CLEC2A: variants seen among roughly 807,000 people sequenced by gnomAD.
The protein encoded by CLEC2A is C-type lectin domain family 2 member A.
A neutral mutation model predicts 18.6 loss-of-function variants in CLEC2A; 19 were observed. The observed-to-expected ratio is 1.02, with a 90% confidence interval of 0.71 to 1.50. The LOEUF is 1.50. Ranked by LOEUF, CLEC2A falls within the 40% of genes most tolerant of loss-of-function variation. The probability of loss-of-function intolerance (pLI) is 0.00; values close to 1 mark genes in which losing one functional copy is unlikely to be tolerated. For missense variants in CLEC2A, 190 were observed against 207.9 expected, an observed-to-expected ratio of 0.91 and a Z score of 0.53; for synonymous variants, 74 against 64.0, an observed-to-expected ratio of 1.16 and a Z score of -0.75.
chr12:9,898,767 T>C, exon 5 of CLEC2A: 4 of 542,854 alleles, frequency 7.4e-6, no homozygotes, highest in East Asian at 5.6e-5. Flanking sequence ...TTGCTCTGAA[T>C]TGATAAATTT....
At chr12:9,905,270 C>T (rs192466566) in intron 4 of CLEC2A, among the ~76,000 whole-genome samples, 15 of 152,256 alleles carry the variant, frequency 9.9e-5, no homozygotes, top group Admixed American at 9.1e-4. Flanking sequence ...TTTCTATAAT[C>T]AGGAGCACTA....
the CLEC2A span, among the ~76,000 whole-genome samples, chr12:9,880,688 G>C: frequency 1.3e-5 from 2 of 152,142 alleles, no homozygotes; most frequent in Non-Finnish European, 2.9e-5. Flanking sequence ...GAATCAGGAG[G>C]AGCTAATGCT....
downstream of CLEC2A, among the ~76,000 whole-genome samples, chr12:9,912,045 T>C (rs910329119): frequency 2.0e-5 from 3 of 151,844 alleles, no homozygotes; most frequent in Non-Finnish European, 4.4e-5. Context: ...CAAACAGTGA[T>C]AGTTGGGGGG....
At chr12:9,917,985 G>A (rs1428009243) in intron 3 of CLEC2A, among the ~76,000 whole-genome samples, 1 of 152,076 alleles carries the variant, frequency 6.6e-6, no homozygotes, top group Non-Finnish European at 1.5e-5. Context: ...GTTCCTTAGA[G>A]ATGCTGATGT....
intron 3 of CLEC2A, among the ~76,000 whole-genome samples, chr12:9,917,078 G>A (rs185691483): frequency 4.6e-4 from 70 of 152,228 alleles, no homozygotes; most frequent in Admixed American, 7.2e-4. Context: ...GATATTGTAT[G>A]TTTTTTCATA....
intron 1 of CLEC2A, among the ~76,000 whole-genome samples, chr12:9,930,778 T>C (rs1030938347): frequency 6.6e-6 from 1 of 152,068 alleles, no homozygotes; most frequent in African/African-American, 2.4e-5. Flanking sequence ...ATCTAGAAGG[T>C]GGCATTTCTA....
At chr12:9,913,175 T>A (rs1209892850), downstream of CLEC2A, 2 of 250,878 alleles carry the variant, frequency 8.0e-6, no homozygotes, top group Admixed American at 1.3e-4. Context: ...TATAGTATGT[T>A]ATAATTTTTA....
At chr12:9,900,997 A>T (rs1255901756) in intron 4 of CLEC2A, among the ~76,000 whole-genome samples, 2 of 152,152 alleles carry the variant, frequency 1.3e-5, no homozygotes, top group African/African-American at 4.8e-5. Flanking sequence ...AAAAAAAAAC[A>T]TGCTCCAGGT....
the CLEC2A span, among the ~76,000 whole-genome samples, chr12:9,881,012 A>G: frequency 6.6e-6 from 1 of 152,228 alleles, no homozygotes; most frequent in Non-Finnish European, 1.5e-5. Flanking sequence ...AACAAACAAA[A>G]AAGTTTAAAA....
At chr12:9,895,350 G>T (rs1862744975), downstream of CLEC2A, among the ~76,000 whole-genome samples, 1 of 152,176 alleles carries the variant, frequency 6.6e-6, no homozygotes, top group Non-Finnish European at 1.5e-5. Context: ...GAGAGATAAT[G>T]GTAGCTTGAG....
At chr12:9,912,116 G>A (rs1052661083), downstream of CLEC2A, among the ~76,000 whole-genome samples, 1 of 152,200 alleles carries the variant, frequency 6.6e-6, no homozygotes, top group African/African-American at 2.4e-5. Flanking sequence ...ACTGCTGATG[G>A]GGTAGAAGAA....
chr12:9,921,748 A>T (rs1450970490), intron 3 of CLEC2A, among the ~76,000 whole-genome samples: 8 of 152,206 alleles, frequency 5.3e-5, no homozygotes, highest in Non-Finnish European at 2.9e-5. Flanking sequence ...GAAGCTAGAG[A>T]AAAGAAGATG....
the CLEC2A span, chr12:9,881,673 T>C: frequency 6.5e-7 from 1 of 1,529,840 alleles, no homozygotes; most frequent in Non-Finnish European, 8.8e-7. Flanking sequence ...AAGGTAGGAA[T>C]ACTGCTCCCC....
chr12:9,904,636 T>C (rs951321117), intron 4 of CLEC2A, among the ~76,000 whole-genome samples: 1 of 152,202 alleles, frequency 6.6e-6, no homozygotes, highest in Non-Finnish European at 1.5e-5. Context: ...TAGCTGATGC[T>C]CTAGCTAACC....
chr12:9,926,280 G>A lies in CLEC2A; in HGVS notation c.119C>T (p.Thr40Ile), dbSNP rs2137053432. The stretch of plus-strand genomic sequence containing the variant: ...CTCACCTATCATAATAATGCAAACT[G>A]TAGTAATAATAATACTCAGGAAGCA... The part of the protein sequence containing the change: ...LMCFLSIIIT[T>I]VCIIMIATWS... Residue 40 changes from threonine to isoleucine, a missense_variant, in exon 2 of 5, where the codon ACA (threonine) becomes ATA (isoleucine). Transcript: ENST00000455827. 6.5e-7 allele frequency: 1 copy of A among 1,545,528 alleles called. No individual in the cohort carries two copies. Among genetic ancestry groups the A allele is most frequent in the Non-Finnish European group, 8.8e-7 (1 of 1,141,642 alleles).
the CLEC2A span, chr12:9,888,716 C>A: frequency 2.8e-6 from 4 of 1,415,466 alleles, no homozygotes; most frequent in Non-Finnish European, 3.9e-6. Flanking sequence ...CATATCTTTT[C>A]TTTGCACTGA....
intron 4 of CLEC2A, among the ~76,000 whole-genome samples, chr12:9,899,389 G>C (rs1862794970): frequency 6.6e-6 from 1 of 152,144 alleles, no homozygotes; most frequent in Non-Finnish European, 1.5e-5. Flanking sequence ...GAGAACAGAG[G>C]AGAAGAAAGG....
chr12:9,923,416 A>T (rs1863206701), intron 2 of CLEC2A, among the ~76,000 whole-genome samples: 1 of 151,700 alleles, frequency 6.6e-6, no homozygotes, highest in African/African-American at 2.4e-5. Context: ...ATCATTAAAA[A>T]GTCAGGAAAC....
At position 9,922,235 on chromosome 12, in the gene CLEC2A, G is replaced by GAA; in HGVS notation, c.140-5_140-4dup. 3 of 1,478,252 alleles carry GAA rather than the reference G, an allele frequency of 2.0e-6. No homozygotes were observed. Among genetic ancestry groups the GAA allele is most frequent in the South Asian group, 1.4e-5 (1 of 71,792 alleles). The allele number at this position is 1,478,252 out of a possible 1,614,324, so 91.6% of individuals were successfully genotyped here. A position where few individuals can be genotyped will look rare whatever the true frequency, so the allele number is the denominator to read the frequency against. ...TTTAGCATGCTTGGACCATGTGGCT[G>GAA]AAAAAAAAAGAAAGAAATGATCAGA... On this transcript the variant is annotated splice_polypyrimidine_tract_variant and splice_region_variant and intron_variant, in intron 2 of 4. Transcript: ENST00000455827.
Sources: gnomAD v4.1 joint callset for allele counts (sites outside exome capture counted in the v4.1 genomes callset) on GRCh38, gnomAD v4.1.1 for gene constraint, MANE v1.5 for transcripts, NCBI Gene and HGNC (gene_info 2026-07-23, HGNC 2026-07-21) for gene names.